Variants in KDM3B observed in about 807,000 individuals in gnomAD.
KDM3B encodes lysine-specific demethylase 3B.
KDM3B carries 10 observed loss-of-function variants against 170.0 expected under a neutral mutation model. That is an observed-to-expected ratio of 0.06 (90% CI 0.04 to 0.10). KDM3B has a LOEUF of 0.10. KDM3B is among the 10% of genes least tolerant of loss of function. KDM3B has a pLI of 1.00. For synonymous variants in KDM3B, 831 were observed against 834.8 expected, an observed-to-expected ratio of 1.00 and a Z score of 0.08; for missense variants, 1,394 against 2,195.2, an observed-to-expected ratio of 0.64 and a Z score of 7.29.
In KDM3B at chr5:138,352,984, A is replaced by G; in HGVS notation, c.189A>G (p.Leu63=). ...TGAGCGGGGCGGTGCCCCAGGACCT[A>G]GCGGTGAGTGGCGGCCGAGTCGGGC... ...RAMSGAVPQD[L]AIFVEFDGCN... Residue 63 remains leucine (L), a synonymous_variant, in exon 1 of 24, where the codon CTA becomes CTG. Transcript: ENST00000314358. The G allele has an allele frequency of 8.3e-7, 1 of 1,197,866 alleles. No homozygotes were observed. The highest frequency in any genetic ancestry group is 1.7e-5 in the African/African-American group (1 of 60,320). The allele number at this position is 1,197,866 out of a possible 1,614,324, so 74.2% of individuals were successfully genotyped here. A position where few individuals can be genotyped will look rare whatever the true frequency, so the allele number is the denominator to read the frequency against.
chr5:138,368,250 G>A (rs1246165985), intron 1 of KDM3B, among the ~76,000 whole-genome samples: 1 of 107,190 alleles, frequency 9.3e-6, no homozygotes, highest in Admixed American at 1.0e-4. Flanking sequence ...TTTTTTTTTT[G>A]GAGACAGGGT....
chr5:138,415,729 T>C (rs1324872375), intron 12 of KDM3B, among the ~76,000 whole-genome samples: 2 of 151,614 alleles, frequency 1.3e-5, no homozygotes, highest in Non-Finnish European at 2.9e-5. Context: ...GGAGTATAAC[T>C]GTGAGCCACC....
At chr5:138,353,036 C>A in intron 1 of KDM3B, 49 bp downstream of exon 1, 1 of 733,584 alleles carries the variant, frequency 1.4e-6, no homozygotes, top group Non-Finnish European at 1.6e-6. Context: ...GCGGGGCCTG[C>A]GGGCGGCCTC....
At chr5:138,364,906 T>C (rs991362807) in intron 1 of KDM3B, among the ~76,000 whole-genome samples, 2 of 152,242 alleles carry the variant, frequency 1.3e-5, no homozygotes, top group African/African-American at 4.8e-5. Flanking sequence ...TTCCATGTAC[T>C]TCACATTTAA....
At chr5:138,372,877 C>T (rs763967855) in intron 2 of KDM3B, 36 bp downstream of exon 2, 4 of 1,573,246 alleles carry the variant, frequency 2.5e-6, no homozygotes, top group African/African-American at 2.7e-5. Context: ...CATGTCTGAG[C>T]TTTACTCCTA....
chr5:138,427,426 G>T (rs1242406623), intron 19 of KDM3B, 107 bp downstream of exon 19: 1 of 1,296,184 alleles, frequency 7.7e-7, no homozygotes, highest in African/African-American at 1.5e-5. Flanking sequence ...TTGCAGGCAA[G>T]TGCTGGAGAA....
chr5:138,393,447 A>G (rs899312036), intron 9 of KDM3B, 75 bp downstream of exon 9: 13 of 1,178,334 alleles, frequency 1.1e-5, no homozygotes, highest in Non-Finnish European at 1.5e-5. Flanking sequence ...CTCTGAGTCT[A>G]TAAACATGTT....
chr5:138,409,747 A>G (rs575235873), intron 11 of KDM3B, among the ~76,000 whole-genome samples: 2 of 152,278 alleles, frequency 1.3e-5, no homozygotes, highest in South Asian at 4.2e-4. Context: ...GCAAGATCCC[A>G]TCTCTACAAA....
At chr5:138,435,478 T>G in intron 23 of KDM3B, 142 bp from the exon 24 acceptor site, 2 of 636,474 alleles carry the variant, frequency 3.1e-6, no homozygotes, top group East Asian at 2.8e-5. Context: ...CTATGTGATT[T>G]GTAAATGACT....
At chr5:138,360,521 ATT>A (rs1491232237) in intron 1 of KDM3B, among the ~76,000 whole-genome samples, 9 of 70,568 alleles carry the variant, frequency 1.3e-4, no homozygotes, top group Middle Eastern at 7.6e-3. Context: ...TTAAAAAAAG[ATT>A]GTGTGTGTGT....
chr5:138,354,506 G>T (rs1205502332), intron 1 of KDM3B, among the ~76,000 whole-genome samples: 2 of 152,146 alleles, frequency 1.3e-5, no homozygotes, highest in Non-Finnish European at 2.9e-5. Flanking sequence ...TATTCATTGG[G>T]ATTTTTTTCT....
chr5:138,368,361 T>TA (rs1328895464), intron 1 of KDM3B, among the ~76,000 whole-genome samples: 3 of 151,768 alleles, frequency 2.0e-5, no homozygotes, highest in African/African-American at 7.2e-5. Context: ...GCCTACTGAG[T>TA]AGTGGGGACT....
chr5:138,363,876 T>G (rs958896306), intron 1 of KDM3B, among the ~76,000 whole-genome samples: 1 of 152,078 alleles, frequency 6.6e-6, no homozygotes, highest in Non-Finnish European at 1.5e-5. Context: ...TGAGTTTTGC[T>G]TTTTCATTTA....
intron 12 of KDM3B, among the ~76,000 whole-genome samples, chr5:138,416,773 GT>G (rs1763117598): frequency 6.6e-6 from 1 of 151,940 alleles, no homozygotes; most frequent in Admixed American, 6.6e-5. Context: ...TGATCTGTTA[GT>G]TTTTACCTTT....
At chr5:138,420,585 G>C (rs1286616456) in intron 14 of KDM3B, 121 bp from the exon 15 acceptor site, 2 of 1,063,224 alleles carry the variant, frequency 1.9e-6, no homozygotes, top group East Asian at 4.7e-5. Flanking sequence ...TACACAGTTT[G>C]GGGGGTGCAA....
intron 7 of KDM3B, among the ~76,000 whole-genome samples, chr5:138,390,701 G>C (rs1186719000): frequency 6.6e-6 from 1 of 152,124 alleles, no homozygotes; most frequent in Non-Finnish European, 1.5e-5. Flanking sequence ...CTTCCAAATA[G>C]ATACCAAAAA....
At chr5:138,398,887 C>CTTTTT (rs537795731) in intron 10 of KDM3B, among the ~76,000 whole-genome samples, 12 of 120,176 alleles carry the variant, frequency 1.0e-4, no homozygotes, top group Non-Finnish European at 1.2e-4. Context: ...TCCTAAATTT[C>CTTTTT]TTTTTTTTTT....
intron 13 of KDM3B, among the ~76,000 whole-genome samples, chr5:138,418,294 G>A (rs1763160721): frequency 6.6e-6 from 1 of 151,908 alleles, no homozygotes; most frequent in Non-Finnish European, 1.5e-5. Flanking sequence ...TGCTCAGGCT[G>A]GTCTCAAACT....
intron 1 of KDM3B, among the ~76,000 whole-genome samples, chr5:138,359,359 G>A (rs1396278675): frequency 1.3e-5 from 2 of 151,328 alleles, no homozygotes; most frequent in African/African-American, 2.4e-5. Context: ...ACAGGGTTTC[G>A]CCATGTTGTC....
Sources: allele counts gnomAD v4.1 joint callset (sites outside exome capture counted in the v4.1 genomes callset), GRCh38; gene constraint gnomAD v4.1.1; transcripts MANE v1.5; gene names NCBI Gene and HGNC (gene_info 2026-07-23, HGNC 2026-07-21).